NOTCH2: variants seen among roughly 807,000 people sequenced by gnomAD.
The protein encoded by NOTCH2 is neurogenic locus notch homolog protein 2.
NOTCH2 carries 29 observed loss-of-function variants against 235.8 expected under a neutral mutation model. The observed-to-expected ratio is 0.12, with a 90% confidence interval of 0.09 to 0.17. NOTCH2 has a LOEUF of 0.17. Among genes scored for constraint, NOTCH2 ranks in the 10% least tolerant of loss-of-function variants. The pLI is 1.00. For synonymous variants in NOTCH2, 1,086 were observed against 1,141.5 expected (o/e 0.95, Z 0.98); for missense variants, 2,285 against 3,150.2 (o/e 0.73, Z 6.57).
rs759456867 is a variant in NOTCH2, at chr1:119,915,354, C to G, written c.7368G>C (p.Gly2456=). 1 of 1,614,042 alleles carries G rather than the reference C, an allele frequency of 6.2e-7. No individual in the cohort carries two copies. Among genetic ancestry groups the G allele is most frequent in the Non-Finnish European group, 8.5e-7 (1 of 1,180,036 alleles). Residue 2456 remains glycine, a synonymous_variant, in exon 34 of 34, where the codon GGG becomes GGC. Transcript: ENST00000256646. ...TGTGTGGTGGCTCAGACATGTGTGT[C>G]CCAGGTCCCCGCTGACCTCCTCCAG... ...GGAGGGQRGP[G]THMSEPPHNN...
intron 14 of NOTCH2, among the ~76,000 whole-genome samples, chr1:119,951,488 T>C (rs1229104527): frequency 1.3e-5 from 2 of 152,216 alleles, no homozygotes; most frequent in African/African-American, 4.8e-5. Flanking sequence ...GCTCTTTGTA[T>C]ATAACATTTC....
At chr1:119,921,550 G>T (rs1342648350) in intron 29 of NOTCH2, among the ~76,000 whole-genome samples, 163 bp downstream of exon 29, 2 of 152,150 alleles carry the variant, frequency 1.3e-5, no homozygotes, top group South Asian at 4.1e-4. Context: ...TACGTCCTAA[G>T]GATTCCTGCT....
At chr1:120,031,347 T>C (rs1553210968) in intron 1 of NOTCH2, among the ~76,000 whole-genome samples, 2 of 138,258 alleles carry the variant, frequency 1.4e-5, no homozygotes, top group Admixed American at 7.3e-5. Context: ...ATAATAATAA[T>C]AGGCTAACAC....
At chr1:119,956,502 T>C (rs1421124318) in intron 12 of NOTCH2, among the ~76,000 whole-genome samples, 1 of 152,190 alleles carries the variant, frequency 6.6e-6, no homozygotes, top group Non-Finnish European at 1.5e-5. Context: ...TCATTGGTGG[T>C]TCTTGTGGTA....
At chr1:119,968,927 G>A (rs1651255567) in intron 6 of NOTCH2, among the ~76,000 whole-genome samples, 1 of 152,186 alleles carries the variant, frequency 6.6e-6, no homozygotes, top group Non-Finnish European at 1.5e-5. Context: ...AAAACTGCTG[G>A]GCAGAAAGTT....
At chr1:119,980,134 A>T (rs947864350) in intron 5 of NOTCH2, among the ~76,000 whole-genome samples, 1 of 152,172 alleles carries the variant, frequency 6.6e-6, no homozygotes. Context: ...TCAACCTTAC[A>T]GACCTCCGCA....
At chr1:119,923,612 T>C (rs1211140001) in intron 26 of NOTCH2, 25 bp downstream of exon 26, 1 of 1,597,894 alleles carries the variant, frequency 6.3e-7, no homozygotes, top group Non-Finnish European at 8.6e-7. Context: ...AAATTAGCCT[T>C]GAAGTTCAGA....
intron 5 of NOTCH2, among the ~76,000 whole-genome samples, chr1:119,986,556 T>C (rs1011435907): frequency 6.6e-6 from 1 of 152,184 alleles, no homozygotes; most frequent in African/African-American, 2.4e-5. Context: ...CGTGAACAAA[T>C]AGGCTCTGAA....
intron 8 of NOTCH2, 80 bp downstream of exon 8, chr1:119,967,353 T>G: frequency 8.1e-7 from 1 of 1,229,202 alleles, no homozygotes; most frequent in South Asian, 1.2e-5. Context: ...CAGACTGCAA[T>G]AGTATACTGA....
chr1:120,015,052 A>G (rs1653380534), intron 2 of NOTCH2, among the ~76,000 whole-genome samples: 1 of 151,462 alleles, frequency 6.6e-6, no homozygotes, highest in African/African-American at 2.4e-5. Flanking sequence ...AACAACAACA[A>G]CAAAGCAAAA....
At chr1:119,967,835 T>G (rs1651203387) in intron 7 of NOTCH2, among the ~76,000 whole-genome samples, 1 of 152,214 alleles carries the variant, frequency 6.6e-6, no homozygotes, top group Admixed American at 6.5e-5. Context: ...CTGCCCAAAC[T>G]GTCATTGAGG....
intron 2 of NOTCH2, among the ~76,000 whole-genome samples, chr1:120,006,729 T>G (rs1191613403): frequency 6.6e-6 from 1 of 151,602 alleles, no homozygotes; most frequent in Non-Finnish European, 1.5e-5. Context: ...ATTACACATT[T>G]AAACCAAACT....
chr1:119,970,518 A>G (rs1553200252), intron 5 of NOTCH2, among the ~76,000 whole-genome samples: 1 of 152,192 alleles, frequency 6.6e-6, no homozygotes, highest in African/African-American at 2.4e-5. Flanking sequence ...ATGTACTAGG[A>G]GATGGAAAAA....
At chr1:119,941,410 G>C in intron 18 of NOTCH2, 116 bp downstream of exon 18, 1 of 746,006 alleles carries the variant, frequency 1.3e-6, no homozygotes. Flanking sequence ...CTGTGGACTG[G>C]GATCCATGTG....
chr1:119,921,247 G>C (rs587609810), intron 29 of NOTCH2, among the ~76,000 whole-genome samples: 1 of 152,288 alleles, frequency 6.6e-6, no homozygotes, highest in African/African-American at 2.4e-5. Flanking sequence ...TATGGCTTTA[G>C]TTTCCTGGGC....
intron 2 of NOTCH2, among the ~76,000 whole-genome samples, chr1:120,024,731 G>A (rs1273119811): frequency 1.3e-5 from 2 of 152,198 alleles, no homozygotes; most frequent in Non-Finnish European, 2.9e-5. Context: ...CCATCTACAG[G>A]AATGTATACA....
At chr1:119,977,242 T>C (rs1298775336) in intron 5 of NOTCH2, among the ~76,000 whole-genome samples, 5 of 152,136 alleles carry the variant, frequency 3.3e-5, no homozygotes, top group Non-Finnish European at 7.4e-5. Flanking sequence ...ACCCTTCTCA[T>C]AGCAACAGTA....
chr1:120,022,902 T>A (rs587684981), intron 2 of NOTCH2, among the ~76,000 whole-genome samples: 28 of 150,640 alleles, frequency 1.9e-4, no homozygotes, highest in Admixed American at 1.5e-3. Context: ...GACAGTACAT[T>A]TTCCACGAGT....
intron 22 of NOTCH2, among the ~76,000 whole-genome samples, chr1:119,932,621 A>G (rs1649709452): frequency 6.6e-6 from 1 of 151,740 alleles, no homozygotes. Flanking sequence ...CTATCTATCT[A>G]TCTATCTATC....
Sources: gnomAD v4.1 joint callset for allele counts (sites outside exome capture counted in the v4.1 genomes callset) on GRCh38, gnomAD v4.1.1 for gene constraint, MANE v1.5 for transcripts, NCBI Gene and HGNC (gene_info 2026-07-23, HGNC 2026-07-21) for gene names.